The following EIF3L variants were observed in gnomAD, a reference collection of about 807,000 sequenced individuals.
EIF3L encodes the protein eIEF associated protein HSPC021.
Under a neutral mutation model 74.6 loss-of-function variants are expected in EIF3L, and 32 were observed. That is an observed-to-expected ratio of 0.43 (90% CI 0.32 to 0.58). EIF3L has a LOEUF of 0.58. Among genes scored for constraint, EIF3L ranks in the 20% least tolerant of loss-of-function variants. EIF3L has a pLI of 0.06. For synonymous variants in EIF3L, 256 were observed against 254.4 expected (o/e 1.01, Z -0.06); for missense variants, 474 against 707.8 (o/e 0.67, Z 3.75).
chr22:37,852,255 C>T (rs942071153), intron 3 of EIF3L, among the ~76,000 whole-genome samples: 2 of 152,204 alleles, frequency 1.3e-5, no homozygotes, highest in Non-Finnish European at 2.9e-5. Flanking sequence ...ATTTACCCTT[C>T]ACAGTAAGCC....
At chr22:37,860,858 A>G (rs1925818419) in intron 5 of EIF3L, among the ~76,000 whole-genome samples, 1 of 152,196 alleles carries the variant, frequency 6.6e-6, no homozygotes. Flanking sequence ...TCATCAGGTC[A>G]CTTCCAATCC....
chr22:37,851,146 AT>A, intron 2 of EIF3L, 133 bp from the exon 3 acceptor site: 1 of 644,890 alleles, frequency 1.6e-6, no homozygotes, highest in Non-Finnish European at 2.7e-6. Flanking sequence ...GTGACTTGAG[AT>A]GTTTGTATCT....
chr22:37,875,831 CCTT>C lies in EIF3L; in HGVS notation c.907-7_907-5del. 6.2e-7 allele frequency: 1 copy of C among 1,610,506 alleles called. No homozygotes were observed. Among genetic ancestry groups the C allele is most frequent in the Non-Finnish European group, 8.5e-7 (1 of 1,177,480 alleles). ...GGACTCATGAATGTTTGTTCTACCTCCTTCTACAGAGTATGTATTCCCGTGTGC... is the reference window on the plus strand; with the variant it reads ...GGACTCATGAATGTTTGTTCTACCTCCTACAGAGTATGTATTCCCGTGTGC... On this transcript the variant is annotated splice_region_variant and splice_polypyrimidine_tract_variant and intron_variant, in intron 9 of 12. Coordinates refer to ENST00000652021, the MANE Select transcript of EIF3L (RefSeq NM_016091.4).
chr22:37,850,170 G>T, intron 2 of EIF3L, 107 bp downstream of exon 2: 2 of 1,291,842 alleles, frequency 1.5e-6, no homozygotes, highest in Non-Finnish European at 1.1e-6. Flanking sequence ...GATGGTCCAG[G>T]TTTGGAGTCA....
At chr22:37,882,727 G>C (rs1027739247) in intron 11 of EIF3L, 3 of 151,774 alleles carry the variant, frequency 2.0e-5, no homozygotes, top group Non-Finnish European at 4.4e-5. Context: ...GATAAGCCGG[G>C]CGCGTTGGTT....
chr22:37,861,005 A>G (rs1263295068), intron 5 of EIF3L, among the ~76,000 whole-genome samples: 1 of 151,986 alleles, frequency 6.6e-6, no homozygotes, highest in Non-Finnish European at 1.5e-5. Context: ...TATCTCTTGT[A>G]CGTTGTATTT....
chr22:37,867,457 G>A (rs1316975058), intron 7 of EIF3L, among the ~76,000 whole-genome samples: 2 of 151,944 alleles, frequency 1.3e-5, no homozygotes, highest in East Asian at 1.9e-4. Context: ...CCAGGAGTTC[G>A]AGACCAGCCT....
intron 10 of EIF3L, 59 bp downstream of exon 10, chr22:37,876,070 T>G (rs1926732084): frequency 6.5e-7 from 1 of 1,546,202 alleles, no homozygotes; most frequent in Admixed American, 1.8e-5. Flanking sequence ...CCTTGGCACC[T>G]ATGCCAACCA....
chr22:37,849,953 A>G, intron 1 of EIF3L, 62 bp from the exon 2 acceptor site: 1 of 1,584,294 alleles, frequency 6.3e-7, no homozygotes, highest in Non-Finnish European at 8.7e-7. Context: ...TCTAGACTCT[A>G]GGATGAGCGT....
chr22:37,877,558 A>G, intron 10 of EIF3L, 116 bp from the exon 11 acceptor site: 3 of 1,290,884 alleles, frequency 2.3e-6, no homozygotes, highest in South Asian at 3.0e-5. Context: ...AATGGCTGGT[A>G]TGAAACAACT....
At position 37,874,525 on chromosome 22, in the gene EIF3L, G is replaced by A; in HGVS notation, c.906+1G>A. On this transcript the variant is annotated splice_donor_variant, in intron 9 of 12. Coordinates refer to ENST00000652021, the MANE Select transcript of EIF3L (RefSeq NM_016091.4). LOFTEE classifies it high-confidence loss of function. ...GGAGAACATCGAACTGAACAAGAAG[G>A]TGATGCCTATTGCCTCTGGCCCCTC... The A allele has an allele frequency of 1.2e-6, 2 of 1,613,236 alleles. No individual in the cohort carries two copies. Among genetic ancestry groups the A allele is most frequent in the Non-Finnish European group, 1.7e-6 (2 of 1,179,410 alleles).
In EIF3L at chr22:37,863,048, AGATTTGGCCAAGAGGGTGTGTGTGGTTAT is replaced by A; in HGVS notation, c.505+14_505+42del. On this transcript the variant is annotated intron_variant, in intron 6 of 12. Transcript: ENST00000652021. ...TTCAACTACATTCTTAGTGAGTCTG[AGATTTGGCCAAGAGGGTGTGTGTGGTTAT>A]GATGAGGTTCAGCATTGGCCTCCAG... The A allele has an allele frequency of 6.2e-7, 1 of 1,607,542 alleles. No homozygotes were observed. Among genetic ancestry groups the A allele is most frequent in the South Asian group, 1.1e-5 (1 of 90,628 alleles).
At chr22:37,867,954 CAAAAAAAAA>C (rs540704187) in intron 7 of EIF3L, among the ~76,000 whole-genome samples, 1 of 60,734 alleles carries the variant, frequency 1.6e-5, no homozygotes, top group African/African-American at 6.2e-5. Flanking sequence ...GACTCCATCT[CAAAAAAAAA>C]AAAAAAAGAA....
intron 9 of EIF3L, 44 bp from the exon 10 acceptor site, chr22:37,875,797 G>A (rs569266687): frequency 6.3e-7 from 1 of 1,576,936 alleles, no homozygotes; most frequent in South Asian, 1.1e-5. Flanking sequence ...TTCTATCTAG[G>A]ATGAATTGGG....
intron 12 of EIF3L, 70 bp downstream of exon 12, chr22:37,886,915 T>C (rs1335307704): frequency 8.3e-7 from 1 of 1,203,030 alleles, no homozygotes; most frequent in Admixed American, 2.1e-5. Flanking sequence ...GAGAGTTTAC[T>C]TTTTTTTAAT....
Position 37,861,092 on chromosome 22 carries a change from A to G in EIF3L, c.436-1877A>G, listed in dbSNP as rs8140191. Among the ~76,000 whole-genome samples, 1,154 of 152,276 alleles carry G rather than the reference A, an allele frequency of 7.6e-3. 19 individuals carry two copies. Among genetic ancestry groups the G allele is most frequent in the African/African-American group, 0.026 (1,072 of 41,560 alleles). The stretch of plus-strand genomic sequence containing the variant: ...GGGTATGTGCTTGTCTTGTTCACCA[A>G]TATAATCCAGTGCCTAGAATAATGT... On this transcript the variant is annotated intron_variant, in intron 5 of 12. Transcript: ENST00000652021.
intron 11 of EIF3L, chr22:37,879,859 G>A (rs1322593613): frequency 1.3e-5 from 2 of 151,336 alleles, no homozygotes; most frequent in Non-Finnish European, 2.9e-5. Flanking sequence ...GAGTGCAGTG[G>A]CACGATCTTG....
chr22:37,881,604 T>C (rs1927051373), intron 11 of EIF3L: 2 of 152,022 alleles, frequency 1.3e-5, no homozygotes, highest in Non-Finnish European at 2.9e-5. Flanking sequence ...AGACAGGGTT[T>C]CTCCGTCTTG....
intron 1 of EIF3L, 146 bp from the exon 2 acceptor site, chr22:37,849,869 C>G (rs1925076587): frequency 6.1e-6 from 5 of 824,286 alleles, no homozygotes; most frequent in Non-Finnish European, 1.0e-5. Context: ...TCCCTTTTCT[C>G]TAAGGCGTGT....
Sources: gnomAD v4.1 joint callset for allele counts (sites outside exome capture counted in the v4.1 genomes callset) on GRCh38, gnomAD v4.1.1 for gene constraint, MANE v1.5 for transcripts, NCBI Gene and HGNC (gene_info 2026-07-23, HGNC 2026-07-21) for gene names.